Variants in KIF1A observed in about 807,000 individuals in gnomAD.
The protein encoded by KIF1A is kinesin family member 1A, also known as kinesin-like protein KIF1A.
A neutral mutation model predicts 227.3 loss-of-function variants in KIF1A; 46 were observed. The ratio of observed to expected loss-of-function variants is 0.20; its 90% CI spans 0.16 to 0.26. The LOEUF (loss-of-function observed/expected upper bound fraction) is 0.26, where lower values mean the gene tolerates loss of function less well. KIF1A is among the 10% of genes least tolerant of loss of function. KIF1A has a pLI of 1.00. For synonymous variants in KIF1A, 1,022 were observed against 1,012.8 expected, an observed-to-expected ratio of 1.01 and a Z score of -0.17; for missense variants, 1,683 against 2,485.9, an observed-to-expected ratio of 0.68 and a Z score of 6.87.
At chr2:240,743,596 G>T (rs755506308) in intron 33 of KIF1A, among the ~76,000 whole-genome samples, 4 of 152,154 alleles carry the variant, frequency 2.6e-5, no homozygotes, top group Non-Finnish European at 5.9e-5. Flanking sequence ...TGGCACAGCT[G>T]GGCCCCTTTC....
intron 10 of KIF1A, among the ~76,000 whole-genome samples, chr2:240,776,802 C>T (rs1415060662): frequency 6.6e-6 from 1 of 152,228 alleles, no homozygotes; most frequent in African/African-American, 2.4e-5. Context: ...GGAGCACACA[C>T]AGACATCATT....
At chr2:240,783,883 G>C in intron 7 of KIF1A, 67 bp from the exon 8 acceptor site, 1 of 1,240,626 alleles carries the variant, frequency 8.1e-7, no homozygotes. Context: ...CAGGACCCCT[G>C]GGCAAGGTCT....
Position 240,760,658 on chromosome 2 carries a change from G to A in KIF1A, c.2444+7C>T. 2 of 1,479,694 alleles carry A rather than the reference G, an allele frequency of 1.4e-6. No homozygotes were observed. Among genetic ancestry groups the A allele is most frequent in the South Asian group, 1.4e-5 (1 of 69,090 alleles). The allele number at this position is 1,479,694 out of a possible 1,614,324, so 91.7% of individuals were successfully genotyped here. The stretch of plus-strand genomic sequence containing the variant: ...CCACCATCCACCCAGCGGCCCTCCA[G>A]CCCCACCTGAGCTTCTCCAGCGTCC... On this transcript the variant is annotated splice_region_variant and intron_variant, in intron 25 of 48. Coordinates refer to ENST00000498729, the MANE Select transcript of KIF1A (RefSeq NM_001244008.2).
chr2:240,769,503 GA>G (rs2051649114), intron 16 of KIF1A, 123 bp downstream of exon 16: 1 of 776,426 alleles, frequency 1.3e-6, no homozygotes, highest in Non-Finnish European at 2.1e-6. Context: ...CCTGGGCTGG[GA>G]TGTGGCCACC....
Position 240,726,702 on chromosome 2 carries a change from T to G in KIF1A, c.4122+124A>C, listed in dbSNP as rs2046050687. ...TTGTTTTTTAAAAGGCACACAAATTTAACCCAGGGACTTGAGAACTAGAGA... is the reference window on the plus strand; with the variant it reads ...TTGTTTTTTAAAAGGCACACAAATTGAACCCAGGGACTTGAGAACTAGAGA... On this transcript the variant is annotated intron_variant, in intron 39 of 48. Transcript: ENST00000498729. This position sits in a 1 kb window ranked among gnomAD's most constrained non-coding sequence, Gnocchi z 5.2. 3 of 489,956 alleles carry G rather than the reference T, an allele frequency of 6.1e-6. No homozygotes were observed. Among genetic ancestry groups the G allele is most frequent in the Non-Finnish European group, 1.1e-5 (3 of 269,902 alleles). The allele number at this position is 489,956 out of a possible 1,614,324, so 30.4% of individuals were successfully genotyped here.
intron 23 of KIF1A, 23 bp downstream of exon 23, chr2:240,762,696 G>T (rs1559507677): frequency 1.3e-6 from 2 of 1,563,324 alleles, no homozygotes; most frequent in South Asian, 1.2e-5. Flanking sequence ...GACGCAGCAG[G>T]TGCTGGCCCA....
intron 32 of KIF1A, among the ~76,000 whole-genome samples, chr2:240,744,466 G>A (rs545027684): frequency 6.6e-6 from 1 of 152,320 alleles, no homozygotes; most frequent in East Asian, 1.9e-4. Flanking sequence ...CCAACCCCAG[G>A]ACTTCAGAAT....
At chr2:240,731,391 G>A (rs1015683479) in intron 38 of KIF1A, among the ~76,000 whole-genome samples, 3 of 152,190 alleles carry the variant, frequency 2.0e-5, no homozygotes, top group Admixed American at 6.5e-5. Context: ...CATCGGATGC[G>A]GCTCTGGCCC....
At chr2:240,783,839 T>C (rs753738981) in intron 7 of KIF1A, 23 bp from the exon 8 acceptor site, 2 of 1,562,390 alleles carry the variant, frequency 1.3e-6, no homozygotes, top group Non-Finnish European at 8.7e-7. Flanking sequence ...ATACATCACA[T>C]GCAGGAAAGG....
chr2:240,782,144 C>G (rs1310002722), intron 10 of KIF1A: 2 of 985,188 alleles, frequency 2.0e-6, no homozygotes, highest in African/African-American at 3.5e-5. Context: ...GTGGCGCGCT[C>G]CGCGGCACCT....
intron 6 of KIF1A, 57 bp downstream of exon 6, chr2:240,786,278 C>T: frequency 6.4e-7 from 1 of 1,552,402 alleles, no homozygotes; most frequent in Non-Finnish European, 8.9e-7. Flanking sequence ...GGGGCTTCCT[C>T]CGGGGAGAGG....
chr2:240,767,415 C>T, intron 17 of KIF1A, 70 bp from the exon 18 acceptor site: 2 of 1,285,782 alleles, frequency 1.6e-6, no homozygotes, highest in African/African-American at 2.9e-5. Context: ...CACCCCCCTC[C>T]AACCTCTCTC....
At chr2:240,741,447 G>A (rs1383875916) in intron 34 of KIF1A, 70 bp from the exon 35 acceptor site, 1 of 1,231,700 alleles carries the variant, frequency 8.1e-7, no homozygotes, top group Non-Finnish European at 1.1e-6. Context: ...GCACACTCAA[G>A]GAGGAGATGC....
At chr2:240,729,001 G>A (rs993791365) in intron 38 of KIF1A, among the ~76,000 whole-genome samples, 3 of 152,150 alleles carry the variant, frequency 2.0e-5, no homozygotes, top group African/African-American at 7.2e-5. Flanking sequence ...ATCACTATCT[G>A]GTACACGTCA....
chr2:240,814,674 C>G (rs1042976155), intron 1 of KIF1A, among the ~76,000 whole-genome samples: 3 of 152,200 alleles, frequency 2.0e-5, no homozygotes, highest in African/African-American at 7.2e-5. Context: ...TACCTAAAAT[C>G]CCAGCACTTT....
At chr2:240,762,356 G>A (rs2050630900) in intron 23 of KIF1A, among the ~76,000 whole-genome samples, 1 of 152,240 alleles carries the variant, frequency 6.6e-6, no homozygotes, top group African/African-American at 2.4e-5. Flanking sequence ...AGGATGGGAA[G>A]AGTGGACGCA....
At chr2:240,773,768 C>T (rs540564770) in intron 12 of KIF1A, among the ~76,000 whole-genome samples, 15 of 152,260 alleles carry the variant, frequency 9.9e-5, no homozygotes, top group East Asian at 3.9e-4. Context: ...CCCAAACAAC[C>T]GAGCAGCCTC....
Position 240,725,180 on chromosome 2 carries a change from TG to T in KIF1A, c.4256+90del. On this transcript the variant is annotated intron_variant, in intron 40 of 48. Coordinates refer to ENST00000498729, the MANE Select transcript of KIF1A (RefSeq NM_001244008.2). This position sits in a 1 kb window ranked among gnomAD's most constrained non-coding sequence, Gnocchi z 5.8. ...GCCTCGCACAGGGTGAGCTGCCGGG[TG>T]GCCCAAGGACCGCTGCCAGGCAGAG... 1 of 1,387,432 alleles carries T rather than the reference TG, an allele frequency of 7.2e-7. No homozygotes were observed. Among genetic ancestry groups the T allele is most frequent in the Non-Finnish European group, 9.8e-7 (1 of 1,017,082 alleles). 85.9% of individuals were successfully genotyped at this position (1,387,432 alleles called of 1,614,324 possible).
chr2:240,730,610 G>A (rs1226995916), intron 38 of KIF1A, among the ~76,000 whole-genome samples: 1 of 152,232 alleles, frequency 6.6e-6, no homozygotes, highest in Non-Finnish European at 1.5e-5. Flanking sequence ...ATGGCAGCCA[G>A]GGCTGACCCT....
Sources: gnomAD v4.1 joint callset for allele counts (sites outside exome capture counted in the v4.1 genomes callset) on GRCh38, gnomAD v4.1.1 for gene constraint, Gnocchi (gnomAD v3.1) non-coding constraint, MANE v1.5 for transcripts, NCBI Gene and HGNC (gene_info 2026-07-23, HGNC 2026-07-21) for gene names.